Variants in TNN observed in about 807,000 individuals in gnomAD.
TNN encodes tenascin-N.
Under a neutral mutation model 134.4 loss-of-function variants are expected in TNN, and 122 were observed. The ratio of observed to expected loss-of-function variants is 0.91; its 90% CI spans 0.78 to 1.06. TNN has a LOEUF of 1.06. Among genes scored for constraint, TNN ranks in the 50% least tolerant of loss-of-function variants. The pLI is 0.00. For synonymous variants in TNN, 710 were observed against 670.3 expected (o/e 1.06, Z -0.91); for missense variants, 1,739 against 1,699.4 (o/e 1.02, Z -0.41).
At chr1:175,122,833 C>A (rs967423318) in intron 11 of TNN, among the ~76,000 whole-genome samples, 1 of 152,136 alleles carries the variant, frequency 6.6e-6, no homozygotes, top group African/African-American at 2.4e-5. Context: ...GGACTGATGA[C>A]AGAGAAGAAG....
At chr1:175,092,894 C>T (rs1408965333) in intron 6 of TNN, among the ~76,000 whole-genome samples, 1 of 152,200 alleles carries the variant, frequency 6.6e-6, no homozygotes, top group Non-Finnish European at 1.5e-5. Flanking sequence ...CAGCCTTCCC[C>T]ATGACCCTCA....
At chr1:175,143,482 A>T (rs1460865146) in intron 17 of TNN, among the ~76,000 whole-genome samples, 1 of 151,524 alleles carries the variant, frequency 6.6e-6, no homozygotes, top group Admixed American at 6.6e-5. Flanking sequence ...ATGTGTCTCC[A>T]GAAGGGCTCT....
At position 175,111,066 on chromosome 1, in the gene TNN, C is replaced by T. The variant is rs148909005; in HGVS notation, c.2120-5873C>T. Among the ~76,000 whole-genome samples the T allele has an allele frequency of 9.1e-3, 1,383 of 152,116 alleles. 26 individuals carry two copies. Among genetic ancestry groups the T allele is most frequent in the African/African-American group, 0.03 (1,233 of 41,502 alleles). On this transcript the variant is annotated intron_variant, in intron 9 of 18. Coordinates refer to ENST00000239462, the MANE Select transcript of TNN (RefSeq NM_022093.2). ...GGTGCGGTAGCTCACGCCTGTAATC[C>T]CAGTACTTTGGGAGGCCAAGGCAGG...
intron 17 of TNN, among the ~76,000 whole-genome samples, chr1:175,143,660 G>A (rs553953593): frequency 1.5e-4 from 23 of 152,290 alleles, no homozygotes; most frequent in African/African-American, 5.3e-4. Flanking sequence ...CTGGAAGGTG[G>A]GCTGGTCCAC....
chr1:175,085,919 A>G (rs1341663199), intron 6 of TNN, among the ~76,000 whole-genome samples: 1 of 151,106 alleles, frequency 6.6e-6, no homozygotes, highest in African/African-American at 2.4e-5. Context: ...TTACATGTAG[A>G]GAGAGTCTAT....
At chr1:175,081,967 A>G (rs1168967952) in intron 4 of TNN, among the ~76,000 whole-genome samples, 1 of 152,152 alleles carries the variant, frequency 6.6e-6, no homozygotes, top group Non-Finnish European at 1.5e-5. Context: ...TGTGGTTTGG[A>G]CAATGGTCAT....
At chr1:175,138,142 AC>A (rs1157520351) in intron 17 of TNN, among the ~76,000 whole-genome samples, 9 of 152,086 alleles carry the variant, frequency 5.9e-5, no homozygotes, top group Non-Finnish European at 1.3e-4. Flanking sequence ...GTACTCAAGG[AC>A]CCCTGATGGC....
chr1:175,117,302 G>T, intron 10 of TNN, 97 bp downstream of exon 10: 1 of 1,576,100 alleles, frequency 6.3e-7, no homozygotes, highest in South Asian at 1.2e-5. Flanking sequence ...AGAAGTCAAT[G>T]ATTAATGGAA....
At chr1:175,130,569 G>A (rs1272849856) in intron 15 of TNN, among the ~76,000 whole-genome samples, 1 of 152,044 alleles carries the variant, frequency 6.6e-6, no homozygotes, top group Non-Finnish European at 1.5e-5. Context: ...CAGGACGTTT[G>A]TATTGTCTAG....
chr1:175,090,449 C>T (rs1329180190), intron 6 of TNN, among the ~76,000 whole-genome samples: 1 of 32,258 alleles, frequency 3.1e-5, no homozygotes, highest in Non-Finnish European at 6.0e-5. Flanking sequence ...CAGGTCCTGC[C>T]CCCCGTGTCT....
chr1:175,086,618 G>T (rs1438000297), intron 6 of TNN, among the ~76,000 whole-genome samples: 1 of 152,186 alleles, frequency 6.6e-6, no homozygotes, highest in Non-Finnish European at 1.5e-5. Flanking sequence ...GGAAATAGCT[G>T]GTTATGGTGG....
rs558676792 is a variant in TNN, at chr1:175,120,740, G to A, written c.2650+1916G>A. Among the ~76,000 whole-genome samples the A allele has an allele frequency of 5.9e-5, 6 of 102,170 alleles. No individual in the cohort carries two copies. In the South Asian group the frequency reaches 1.3e-3, roughly 23 times the overall value. The allele number at this position is 102,170 out of a possible 152,430, so 67.0% of individuals were successfully genotyped here. On this transcript the variant is annotated intron_variant, in intron 11 of 18. Coordinates refer to ENST00000239462, the MANE Select transcript of TNN (RefSeq NM_022093.2). ...TGGCCCTGTGCCCAGCTTTACTTTGGTTATGCTGTCCTGACCAACACAGCA... is the reference window on the plus strand; with the variant it reads ...TGGCCCTGTGCCCAGCTTTACTTTGATTATGCTGTCCTGACCAACACAGCA...
intron 11 of TNN, among the ~76,000 whole-genome samples, chr1:175,122,508 T>C (rs181311835): frequency 5.9e-3 from 147 of 24,900 alleles, no homozygotes; most frequent in African/African-American, 0.02. Context: ...CAAGGGAGTA[T>C]GTAGTCATGG....
intron 15 of TNN, among the ~76,000 whole-genome samples, chr1:175,135,409 T>C (rs903075841): frequency 2.0e-5 from 3 of 152,116 alleles, no homozygotes; most frequent in African/African-American, 7.2e-5. Flanking sequence ...ATCAGGTGAA[T>C]TAAAAAATAA....
chr1:175,110,977 C>A (rs1379039076), intron 9 of TNN, among the ~76,000 whole-genome samples: 1 of 151,700 alleles, frequency 6.6e-6, no homozygotes, highest in South Asian at 2.1e-4. Context: ...GAGTTCAAGA[C>A]CAGCCTGGCC....
In TNN at chr1:175,136,874, A is replaced by C. The variant is rs754062226; in HGVS notation, c.3481A>C (p.Arg1161=). ...TTGTPARYEV[R]VDLQTANESA... is the part of the protein sequence containing the mutation. ...CGGCACTCCAGCGCGGTATGAGGTG[A>C]GAGTGGATTTACAGACTGCCAATGA... Residue 1161 remains arginine, a synonymous_variant, in exon 17 of 19, where the codon AGA becomes CGA. Coordinates refer to ENST00000239462, the MANE Select transcript of TNN (RefSeq NM_022093.2). The C allele has an allele frequency of 3.5e-5, 56 of 1,614,202 alleles. No individual in the cohort carries two copies. The highest frequency in any genetic ancestry group is 4.3e-5 in the Non-Finnish European group (51 of 1,180,024).
At chr1:175,076,316 C>T (rs754601390) in intron 1 of TNN, among the ~76,000 whole-genome samples, 5 of 152,174 alleles carry the variant, frequency 3.3e-5, no homozygotes, top group South Asian at 2.1e-4. Context: ...CACCCATGCA[C>T]GGATGGATTT....
intron 9 of TNN, among the ~76,000 whole-genome samples, chr1:175,099,059 A>G (rs1190220306): frequency 1.3e-5 from 2 of 152,228 alleles, no homozygotes; most frequent in Admixed American, 6.5e-5. Flanking sequence ...TCCATTAGCT[A>G]AAAATAAAAT....
At chr1:175,113,130 G>A (rs1675079651) in intron 9 of TNN, among the ~76,000 whole-genome samples, 1 of 152,094 alleles carries the variant, frequency 6.6e-6, no homozygotes, top group Admixed American at 6.6e-5. Flanking sequence ...TCTCCTTTGT[G>A]TATCTGCTCT....
Sources: allele counts gnomAD v4.1 joint callset (sites outside exome capture counted in the v4.1 genomes callset), GRCh38; gene constraint gnomAD v4.1.1; transcripts MANE v1.5; gene names NCBI Gene and HGNC (gene_info 2026-07-23, HGNC 2026-07-21).